Variants in PVT1 observed in about 807,000 individuals in gnomAD.
PVT1 encodes the protein CXCR4/PVT1 fusion.
intron 4 of PVT1, among the ~76,000 whole-genome samples, chr8:128,017,467 A>C (rs1817386518): frequency 6.6e-6 from 1 of 152,078 alleles, no homozygotes; most frequent in African/African-American, 2.4e-5. Context: ...TCTGAGACAG[A>C]GTCTTGCTCT....
chr8:128,046,790 T>C (rs1813619167), intron 4 of PVT1, among the ~76,000 whole-genome samples: 1 of 152,222 alleles, frequency 6.6e-6, no homozygotes, highest in Non-Finnish European at 1.5e-5. Flanking sequence ...TCAAATATCC[T>C]CTTCTCTAAC....
intron 2 of PVT1, among the ~76,000 whole-genome samples, chr8:127,805,495 G>A (rs541144420): frequency 1.3e-5 from 2 of 152,274 alleles, no homozygotes; most frequent in East Asian, 1.9e-4. Context: ...GGTGAGGCAC[G>A]TGATGTTTTT....
At chr8:127,832,816 C>T (rs1399975210) in intron 2 of PVT1, among the ~76,000 whole-genome samples, 1 of 152,034 alleles carries the variant, frequency 6.6e-6, no homozygotes, top group Non-Finnish European at 1.5e-5. Flanking sequence ...TGAGATCGCA[C>T]CACTCCACTC....
chr8:127,892,802 C>T (rs1031226841), intron 3 of PVT1, among the ~76,000 whole-genome samples: 1 of 152,038 alleles, frequency 6.6e-6, no homozygotes, highest in Non-Finnish European at 1.5e-5. Context: ...GAGAGGCTCA[C>T]AGTGGTGAGC....
intron 2 of PVT1, among the ~76,000 whole-genome samples, chr8:127,825,772 C>T (rs1438482846): frequency 2.0e-5 from 3 of 152,192 alleles, no homozygotes; most frequent in Non-Finnish European, 4.4e-5. Flanking sequence ...ATATGGCGTG[C>T]ATCTCTTCCT....
At chr8:128,022,013 C>T (rs1817444412) in intron 4 of PVT1, among the ~76,000 whole-genome samples, 1 of 152,188 alleles carries the variant, frequency 6.6e-6, no homozygotes, top group Non-Finnish European at 1.5e-5. Context: ...GATCATGCCA[C>T]TGCACCCCAG....
chr8:128,010,903 C>A (rs1225963511), intron 4 of PVT1, among the ~76,000 whole-genome samples: 1 of 152,176 alleles, frequency 6.6e-6, no homozygotes, highest in Non-Finnish European at 1.5e-5. Flanking sequence ...GTGATTTCTG[C>A]AGCATGGTCC....
intron 3 of PVT1, among the ~76,000 whole-genome samples, chr8:127,904,749 G>C (rs536210985): frequency 1.3e-5 from 2 of 152,224 alleles, no homozygotes; most frequent in Admixed American, 6.5e-5. Context: ...GGGAGCACCT[G>C]GGCCTGTTGG....
At chr8:127,851,861 A>G (rs937559528) in intron 2 of PVT1, 1 of 152,430 alleles carries the variant, frequency 6.6e-6, no homozygotes, top group African/African-American at 2.4e-5. Flanking sequence ...GGACTGGTTC[A>G]TTGGAGAAAC....
intron 3 of PVT1, among the ~76,000 whole-genome samples, chr8:127,901,596 G>T (rs1438784637): frequency 6.6e-6 from 1 of 152,012 alleles, no homozygotes; most frequent in Non-Finnish European, 1.5e-5. Flanking sequence ...TTTCTTTTTA[G>T]AGAGACAGTC....
intron 4 of PVT1, among the ~76,000 whole-genome samples, chr8:128,067,930 A>G (rs1360701234): frequency 2.8e-5 from 4 of 143,620 alleles, no homozygotes; most frequent in African/African-American, 1.0e-4. Flanking sequence ...TTATTTTTCT[A>G]TTCTTGGACT....
At chr8:127,860,126 G>C (rs1052719083) in intron 2 of PVT1, among the ~76,000 whole-genome samples, 5 of 152,296 alleles carry the variant, frequency 3.3e-5, no homozygotes, top group South Asian at 4.1e-4. Context: ...CCACTTCCTA[G>C]AACCATGGGG....
chr8:127,811,447 C>T (rs370724567), intron 2 of PVT1, among the ~76,000 whole-genome samples: 4 of 152,192 alleles, frequency 2.6e-5, no homozygotes, highest in Non-Finnish European at 5.9e-5. Flanking sequence ...CCTTTCCATT[C>T]CCCCTGGGCC....
At chr8:128,076,357 A>G (rs1043911139) in intron 5 of PVT1, among the ~76,000 whole-genome samples, 3 of 152,190 alleles carry the variant, frequency 2.0e-5, no homozygotes, top group Admixed American at 1.3e-4. Flanking sequence ...GCAATTCCTG[A>G]TAAAGTTCCA....
chr8:127,984,883 T>TTCTTTC (rs1554602121), intron 3 of PVT1, among the ~76,000 whole-genome samples: 4 of 94,302 alleles, frequency 4.2e-5, no homozygotes, highest in Admixed American at 2.8e-4. Flanking sequence ...CTTTCTTTCT[T>TTCTTTC]TCTTTCTTTC....
chr8:127,899,266 G>A (rs544012649), intron 3 of PVT1, among the ~76,000 whole-genome samples: 4 of 152,306 alleles, frequency 2.6e-5, no homozygotes, highest in East Asian at 1.9e-4. Flanking sequence ...CTGGGCTTTC[G>A]CTTGCTCCTT....
At chr8:128,019,064 G>A (rs6984366) in intron 4 of PVT1, among the ~76,000 whole-genome samples, 2,485 of 152,264 alleles carry the variant, frequency 0.016, 66 homozygotes, top group African/African-American at 0.056. Context: ...CATCAGCAAT[G>A]AGCAGCCGCT....
rs11438511 is a variant in PVT1, at chr8:128,021,290, C to CTTTTTTT, written n.912+32014_912+32020dup. On this transcript the variant is annotated intron_variant and non_coding_transcript_variant, in intron 4 of 10. Coordinates refer to ENST00000651587, the Ensembl canonical transcript of PVT1. The stretch of plus-strand genomic sequence containing the variant: ...CCAGTCCGATTCCCCAGGACTTGTG[C>CTTTTTTT]TTTTTTTTTTTTTTTTTTTTTGAGA... Among the ~76,000 whole-genome samples, 111 of 81,136 alleles carry CTTTTTTT rather than the reference C, an allele frequency of 1.4e-3. 3 individuals are homozygous for CTTTTTTT. The highest frequency in any genetic ancestry group is 4.1e-3 in the African/African-American group (85 of 20,896). 53.2% of individuals were successfully genotyped at this position (81,136 alleles called of 152,430 possible). A position where few individuals can be genotyped will look rare whatever the true frequency, so the allele number is the denominator to read the frequency against.
At chr8:128,095,095 C>T (rs1814410169) in intron 5 of PVT1, among the ~76,000 whole-genome samples, 1 of 152,132 alleles carries the variant, frequency 6.6e-6, no homozygotes, top group African/African-American at 2.4e-5. Flanking sequence ...ATTGCAGCTG[C>T]AGTTTGGCTT....
Sources: allele counts gnomAD v4.1 joint callset (sites outside exome capture counted in the v4.1 genomes callset), GRCh38; gene constraint gnomAD v4.1.1; transcripts MANE v1.5; gene names NCBI Gene and HGNC (gene_info 2026-07-23, HGNC 2026-07-21).